Variants in KLF5 observed in about 807,000 individuals in gnomAD.
KLF5 encodes the protein KLF transcription factor 5.
Under a neutral mutation model 36.9 loss-of-function variants are expected in KLF5, and 9 were observed. The observed-to-expected ratio is 0.24, with a 90% CI of 0.15 to 0.43. The LOEUF (loss-of-function observed/expected upper bound fraction) is 0.43, where lower values mean the gene tolerates loss of function less well. Ranked by LOEUF, KLF5 falls within the 20% of genes least tolerant of loss-of-function variation. The pLI is 1.00. For missense variants in KLF5, 524 were observed against 599.5 expected (o/e 0.87, Z 1.31); for synonymous variants, 246 against 241.7 (o/e 1.02, Z -0.17).
At chr13:73,070,098 TCAAGGATCTCAAA>T (rs1449018068) in intron 3 of KLF5, among the ~76,000 whole-genome samples, 2 of 152,218 alleles carry the variant, frequency 1.3e-5, no homozygotes, top group African/African-American at 4.8e-5. Context: ...TTATTTATAT[TCAAGGATCTCAAA>T]CAACAACTCT....
chr13:73,064,030 C>T (rs983695407), intron 3 of KLF5, 147 bp downstream of exon 3: 2 of 551,068 alleles, frequency 3.6e-6, no homozygotes, highest in East Asian at 3.0e-5. Flanking sequence ...TCAGCACAGG[C>T]TTGGTTCAGA....
At chr13:73,064,958 G>T (rs886853571) in intron 3 of KLF5, among the ~76,000 whole-genome samples, 3 of 152,110 alleles carry the variant, frequency 2.0e-5, no homozygotes, top group Non-Finnish European at 4.4e-5. Context: ...ATATATAGAT[G>T]GTTACTATTT....
chr13:73,063,983 C>CAT, intron 3 of KLF5, 100 bp downstream of exon 3: 1 of 351,432 alleles, frequency 2.8e-6, no homozygotes, highest in Non-Finnish European at 5.0e-6. Flanking sequence ...CTCCTGTCAA[C>CAT]TTTGTTTTTT....
At chr13:73,064,173 C>G (rs893634245) in intron 3 of KLF5, among the ~76,000 whole-genome samples, 1 of 151,950 alleles carries the variant, frequency 6.6e-6, no homozygotes, top group East Asian at 1.9e-4. Context: ...GATTTTAAAA[C>G]TTATACTGGC....
At chr13:73,065,974 A>G (rs372614166) in intron 3 of KLF5, among the ~76,000 whole-genome samples, 1 of 152,208 alleles carries the variant, frequency 6.6e-6, no homozygotes, top group African/African-American at 2.4e-5. Flanking sequence ...TGCTTGTACT[A>G]ATAAAAACAG....
At chr13:73,073,600 G>T (rs1456930417) in intron 3 of KLF5, among the ~76,000 whole-genome samples, 1 of 152,156 alleles carries the variant, frequency 6.6e-6, no homozygotes, top group Non-Finnish European at 1.5e-5. Flanking sequence ...CAAAAGACTA[G>T]AATGATTTCT....
At chr13:73,058,573 G>A, upstream of KLF5, among the ~76,000 whole-genome samples, 1 of 152,214 alleles carries the variant, frequency 6.6e-6, no homozygotes, top group East Asian at 1.9e-4. Context: ...CTACCTAGCT[G>A]CCTTCTGGGT....
At position 73,059,186 on chromosome 13, in the gene KLF5, C is replaced by A; in HGVS notation, c.-142C>A. On this transcript the variant is annotated 5_prime_UTR_variant, in exon 1 of 4. It adds an upstream start codon to the 5' untranslated region. Coordinates refer to ENST00000377687, the MANE Select transcript of KLF5 (RefSeq NM_001730.5). Reference sequence around the variant, plus strand: ...TGCTTTTCGTGCGCGCCTTCGAAAACTGCCTGCCGCTGTCTGAGGAGTCCA... The same window carrying A: ...TGCTTTTCGTGCGCGCCTTCGAAAAATGCCTGCCGCTGTCTGAGGAGTCCA... The A allele has an allele frequency of 2.7e-6, 2 of 748,300 alleles. No homozygotes were observed. The highest frequency in any genetic ancestry group is 4.4e-4 in the Middle Eastern group (1 of 2,268). The allele number at this position is 748,300 out of a possible 1,614,324, so 46.4% of individuals were successfully genotyped here.
rs1003888010 is a variant in KLF5 at position 73,076,668 on chromosome 13, A to G, written c.*782A>G. 3.9e-5 allele frequency: 6 copies of G among 152,366 alleles called. No homozygotes were observed. The East Asian group carries it at 7.7e-4, about 20-fold the overall frequency. The allele number at this position is 152,366 out of a possible 1,614,324, so 9.4% of individuals were successfully genotyped here. On this transcript the variant is annotated 3_prime_UTR_variant, in exon 4 of 4. Transcript: ENST00000377687. ...ATTAAAATAGGATTATTTTAAATAC[A>G]AAAGGCATTTTATATGAATTATAAA...
intron 3 of KLF5, among the ~76,000 whole-genome samples, chr13:73,067,233 C>T (rs1249706583): frequency 6.6e-6 from 1 of 152,160 alleles, no homozygotes; most frequent in Non-Finnish European, 1.5e-5. Context: ...ACTGTTTTGT[C>T]TTTATAAATC....
At chr13:73,072,739 T>C (rs943960287) in intron 3 of KLF5, among the ~76,000 whole-genome samples, 5 of 152,202 alleles carry the variant, frequency 3.3e-5, no homozygotes, top group Non-Finnish European at 1.5e-5. Context: ...TGGTGCCTGC[T>C]CCCTTTTCCT....
At chr13:73,065,077 T>G (rs1594395096) in intron 3 of KLF5, among the ~76,000 whole-genome samples, 2 of 152,354 alleles carry the variant, frequency 1.3e-5, no homozygotes, top group East Asian at 3.9e-4. Flanking sequence ...ATAAGTTTGC[T>G]AATAAAAGCA....
rs754949298 is a variant in KLF5, at chr13:73,062,771, T to TGTG, written c.1135+37_1135+38insGTG. On this transcript the variant is annotated intron_variant, in intron 2 of 3. Transcript: ENST00000377687. The stretch of plus-strand genomic sequence containing the variant: ...TACCTGGTTGAAGCATCAATAGATG[T>TGTG]AGTGTGTGTGTGTGTGTGTCTGTGT... 20 of 1,369,480 alleles carry TGTG rather than the reference T, an allele frequency of 1.5e-5. No homozygotes were observed. In the Admixed American group the frequency reaches 1.6e-4, roughly 11 times the overall value. 84.8% of individuals were successfully genotyped at this position (1,369,480 alleles called of 1,614,324 possible).
At chr13:73,067,572 T>C (rs576981444) in intron 3 of KLF5, among the ~76,000 whole-genome samples, 1 of 152,276 alleles carries the variant, frequency 6.6e-6, no homozygotes, top group African/African-American at 2.4e-5. Flanking sequence ...ACGGTAACGT[T>C]TCTAGATTTT....
At chr13:73,057,073 C>G (rs1030918476), upstream of KLF5, among the ~76,000 whole-genome samples, 1 of 151,884 alleles carries the variant, frequency 6.6e-6, no homozygotes, top group African/African-American at 2.4e-5. Context: ...CACTGAAGCT[C>G]TCGTAAAAAG....
At chr13:73,067,026 A>G (rs992778433) in intron 3 of KLF5, among the ~76,000 whole-genome samples, 3 of 152,200 alleles carry the variant, frequency 2.0e-5, no homozygotes, top group African/African-American at 7.2e-5. Context: ...ATGTGTGTGT[A>G]TACATTTATC....
chr13:73,059,064 C>CG lies in KLF5; in HGVS notation c.-261dup, dbSNP rs1481877348. The CG allele has an allele frequency of 3.1e-6, 1 of 326,512 alleles. No homozygotes were observed. The highest frequency in any genetic ancestry group is 2.1e-5 in the African/African-American group (1 of 46,658). The allele number at this position is 326,512 out of a possible 1,614,324, so 20.2% of individuals were successfully genotyped here. A position where few individuals can be genotyped will look rare whatever the true frequency, so the allele number is the denominator to read the frequency against. ...TCGCGGAGGTCGGCGGTGGCGGGAG[C>CG]GGGCTCCGGAGAGCCTGAGAGCACG... On this transcript the variant is annotated 5_prime_UTR_variant, in exon 1 of 4. Coordinates refer to ENST00000377687, the MANE Select transcript of KLF5 (RefSeq NM_001730.5).
chr13:73,075,896 G>C lies in KLF5; in HGVS notation c.*10G>C. On this transcript the variant is annotated 3_prime_UTR_variant, in exon 4 of 4. Transcript: ENST00000377687. ...GAGGCACCAGAACTGAGCACTGCCC[G>C]TGTGACCCGTTCCAGGTCCCCTGGG... The C allele has an allele frequency of 6.5e-7, 1 of 1,542,620 alleles. No homozygotes were observed. Among genetic ancestry groups the C allele is most frequent in the Non-Finnish European group, 8.9e-7 (1 of 1,128,132 alleles).
rs116562746 is a variant in KLF5 at position 73,076,287 on chromosome 13, T to C, written c.*401T>C. ...AAGAATGGATTGTATGTCAAGATTT[T>C]ACTTGGCATTGAGTAGTTTTTTTCA... On this transcript the variant is annotated 3_prime_UTR_variant, in exon 4 of 4. Coordinates refer to ENST00000377687, the MANE Select transcript of KLF5 (RefSeq NM_001730.5). The C allele has an allele frequency of 1.6e-3, 258 of 163,442 alleles. No homozygotes were observed. Among genetic ancestry groups the C allele is most frequent in the African/African-American group, 5.7e-3 (238 of 42,042 alleles). The allele number at this position is 163,442 out of a possible 1,614,324, so 10.1% of individuals were successfully genotyped here.
Sources: allele counts gnomAD v4.1 joint callset (sites outside exome capture counted in the v4.1 genomes callset), GRCh38; gene constraint gnomAD v4.1.1; transcripts MANE v1.5; gene names NCBI Gene and HGNC (gene_info 2026-07-23, HGNC 2026-07-21).